VPS13A: variants seen among roughly 807,000 people sequenced by gnomAD.
VPS13A encodes intermembrane lipid transfer protein VPS13A.
Under a neutral mutation model 390.9 loss-of-function variants are expected in VPS13A, and 264 were observed. That is an observed-to-expected ratio of 0.68 (90% confidence interval 0.61 to 0.75). VPS13A has a LOEUF of 0.75. VPS13A is among the 30% of genes least tolerant of loss of function. The pLI is 0.00. For synonymous variants in VPS13A, 1,231 were observed against 1,227.1 expected, an observed-to-expected ratio of 1.00 and a Z score of -0.07; for missense variants, 3,409 against 3,733.9, an observed-to-expected ratio of 0.91 and a Z score of 2.27.
chr9:77,314,225 T>C (rs1829250998), intron 36 of VPS13A, 106 bp downstream of exon 36: 1 of 1,251,974 alleles, frequency 8.0e-7, no homozygotes, highest in South Asian at 1.4e-5. Flanking sequence ...TTGTAGTATC[T>C]GTCCCTCTGA....
At chr9:77,405,359 C>T (rs1014361166) in intron 69 of VPS13A, among the ~76,000 whole-genome samples, 5 of 151,990 alleles carry the variant, frequency 3.3e-5, no homozygotes, top group South Asian at 2.1e-4. Flanking sequence ...TATTCTAAGG[C>T]GTTAATTATA....
At chr9:77,313,123 T>G (rs73467948) in intron 35 of VPS13A, among the ~76,000 whole-genome samples, 1,941 of 152,300 alleles carry the variant, frequency 0.013, 46 homozygotes, top group African/African-American at 0.044. Flanking sequence ...GCAACATGGT[T>G]GAATCTCAGA....
chr9:77,408,074 T>C (rs1039767447), intron 71 of VPS13A, among the ~76,000 whole-genome samples: 15 of 152,206 alleles, frequency 9.9e-5, no homozygotes, highest in Middle Eastern at 3.2e-3. Flanking sequence ...GATTTTGTCC[T>C]TCTTGACTAT....
chr9:77,190,343 A>G lies in VPS13A; in HGVS notation c.101-9602A>G, dbSNP rs544383459. Among the ~76,000 whole-genome samples the G allele has an allele frequency of 3.1e-4, 47 of 152,290 alleles. No individual in the cohort carries two copies. The South Asian group carries it at 6.8e-3, about 22-fold the overall frequency. Reference sequence around the variant, plus strand: ...TATCAAAAGTCCTGAATCTGAAAAGATGATCATGTGGTTTTTGTTTTTAGT... The same window carrying G: ...TATCAAAAGTCCTGAATCTGAAAAGGTGATCATGTGGTTTTTGTTTTTAGT... On this transcript the variant is annotated intron_variant, in intron 1 of 71. Coordinates refer to ENST00000360280, the MANE Select transcript of VPS13A (RefSeq NM_033305.3).
intron 23 of VPS13A, among the ~76,000 whole-genome samples, chr9:77,267,667 G>A (rs1826115257): frequency 6.6e-6 from 1 of 152,234 alleles, no homozygotes; most frequent in Non-Finnish European, 1.5e-5. Context: ...TGAGAAGGCA[G>A]TCTGTCTCTT....
chr9:77,398,653 C>T (rs938346226), intron 68 of VPS13A, among the ~76,000 whole-genome samples: 64 of 152,266 alleles, frequency 4.2e-4, no homozygotes, highest in African/African-American at 1.5e-3. Flanking sequence ...GACGTTCTCT[C>T]CCATTAACTT....
intron 67 of VPS13A, among the ~76,000 whole-genome samples, chr9:77,373,680 A>G (rs1023881865): frequency 1.7e-4 from 26 of 151,614 alleles, no homozygotes; most frequent in Non-Finnish European, 3.8e-4. Context: ...AAAAGAAACT[A>G]CCATCAGAGT....
intron 23 of VPS13A, among the ~76,000 whole-genome samples, chr9:77,268,896 C>T (rs375788175): frequency 2.7e-5 from 4 of 150,764 alleles, no homozygotes; most frequent in South Asian, 2.1e-4. Context: ...GCCAAGATTG[C>T]GCCACTGCAC....
At chr9:77,333,129 A>G (rs1830364459) in intron 46 of VPS13A, among the ~76,000 whole-genome samples, 1 of 152,176 alleles carries the variant, frequency 6.6e-6, no homozygotes, top group Non-Finnish European at 1.5e-5. Flanking sequence ...TATGGCATGT[A>G]AGATATATTT....
intron 19 of VPS13A, among the ~76,000 whole-genome samples, chr9:77,239,147 A>G (rs906152769): frequency 6.6e-6 from 1 of 151,700 alleles, no homozygotes; most frequent in Non-Finnish European, 1.5e-5. Flanking sequence ...ATCAATGTAG[A>G]TTTTTCTATT....
intron 67 of VPS13A, among the ~76,000 whole-genome samples, chr9:77,376,177 C>T (rs1833063794): frequency 6.6e-6 from 1 of 152,084 alleles, no homozygotes; most frequent in African/African-American, 2.4e-5. Context: ...ATGTGCTTGG[C>T]CTATTTGAGA....
chr9:77,207,863 TTTGTTG>T (rs532333838), intron 5 of VPS13A, among the ~76,000 whole-genome samples: 1 of 152,164 alleles, frequency 6.6e-6, no homozygotes, highest in East Asian at 1.9e-4. Context: ...GACTTGGATT[TTTGTTG>T]TTGTTGTTGT....
In VPS13A at chr9:77,280,212, G is replaced by A; in HGVS notation, c.2878G>A (p.Asp960Asn). ...LVTTLDNTME[D>N]LLTLEYVKAE... is the part of the protein sequence containing the mutation. ...TACAACCCTGGATAACACAATGGAA[G>A]ACCTGTTAACGCTGGAATATGTAAA... is the stretch of plus-strand genomic sequence containing the variant. The change falls in exon 27 of 72, where the codon GAC becomes AAC. Residue 960 changes from aspartate to asparagine, a missense_variant. Physicochemically the swap from Asp to Asn is conservative, Grantham distance 23. This residue lies in a region of VPS13A where 2,717 missense variants were observed against 2,917.4 expected (regional missense o/e 0.93). Transcript: ENST00000360280. 6.2e-7 allele frequency: 1 copy of A among 1,612,850 alleles called. No homozygotes were observed. Among genetic ancestry groups the A allele is most frequent in the Non-Finnish European group, 8.5e-7 (1 of 1,179,306 alleles).
At chr9:77,237,933 C>A in intron 17 of VPS13A, 69 bp from the exon 18 acceptor site, 2 of 1,233,750 alleles carry the variant, frequency 1.6e-6, no homozygotes, top group Non-Finnish European at 2.3e-6. Context: ...TTTTTTAAAT[C>A]ATTTTCAATT....
chr9:77,289,690 G>A (rs1827537744), intron 31 of VPS13A, among the ~76,000 whole-genome samples: 3 of 151,482 alleles, frequency 2.0e-5, no homozygotes, highest in South Asian at 4.2e-4. Flanking sequence ...TTCTAAAGAT[G>A]TTTTATATTT....
At chr9:77,344,367 A>G in intron 51 of VPS13A, 86 bp downstream of exon 51, 1 of 1,422,946 alleles carries the variant, frequency 7.0e-7, no homozygotes, top group East Asian at 2.3e-5. Flanking sequence ...GTATCAAATA[A>G]TTACTTCTGT....
intron 19 of VPS13A, among the ~76,000 whole-genome samples, chr9:77,241,797 G>A (rs1406159021): frequency 6.6e-6 from 1 of 152,046 alleles, no homozygotes; most frequent in Non-Finnish European, 1.5e-5. Context: ...GAATTCTTGG[G>A]CTACATACCT....
chr9:77,349,535 C>T (rs1048902176), intron 52 of VPS13A, among the ~76,000 whole-genome samples: 1 of 151,994 alleles, frequency 6.6e-6, no homozygotes, highest in Non-Finnish European at 1.5e-5. Flanking sequence ...TTACTGAATG[C>T]GTGATATTCT....
Position 77,260,132 on chromosome 9 carries a change from G to T in VPS13A, c.2335G>T (p.Asp779Tyr), listed in dbSNP as rs754774077. The T allele has an allele frequency of 1.9e-6, 3 of 1,582,224 alleles. No homozygotes were observed. The East Asian group carries it at 6.7e-5, about 35-fold the overall frequency. Reference sequence around the variant, plus strand: ...ACCTCTTATTTCTTTACGAATCTCAGATAAAAAACTACAAGGGATTATGGA... The same window carrying T: ...ACCTCTTATTTCTTTACGAATCTCATATAAAAAACTACAAGGGATTATGGA... ...KLPLISLRIS[D>Y]KKLQGIMELI... Residue 779 changes from aspartate to tyrosine, a missense_variant, in exon 23 of 72, where the codon GAT becomes TAT. Around this residue, in one of 5 missense-constraint regions of VPS13A, gnomAD observed 2,717 missense variants for 2,917.4 expected, o/e 0.93. Transcript: ENST00000360280.
Sources: gnomAD v4.1 joint callset for allele counts (sites outside exome capture counted in the v4.1 genomes callset) on GRCh38, gnomAD v4.1.1 for gene constraint, gnomAD v4.1.1 regional missense constraint, MANE v1.5 for transcripts, NCBI Gene and HGNC (gene_info 2026-07-23, HGNC 2026-07-21) for gene names.